Variants in DIS3L2 observed in about 807,000 individuals in gnomAD.
The protein encoded by DIS3L2 is DIS3 like 3'-5' exoribonuclease 2.
A neutral mutation model predicts 97.5 loss-of-function variants in DIS3L2; 34 were observed. The ratio of observed to expected loss-of-function variants is 0.35; its 90% confidence interval spans 0.27 to 0.46. The LOEUF is 0.46. Among genes scored for constraint, DIS3L2 ranks in the 20% least tolerant of loss-of-function variants. DIS3L2 has a pLI of 1.00. For synonymous variants in DIS3L2, 435 were observed against 445.2 expected, an observed-to-expected ratio of 0.98 and a Z score of 0.29; for missense variants, 1,038 against 1,146.0, an observed-to-expected ratio of 0.91 and a Z score of 1.36.
intron 1 of DIS3L2, among the ~76,000 whole-genome samples, chr2:232,011,052 A>C (rs961619061): frequency 6.6e-6 from 1 of 152,140 alleles, no homozygotes; most frequent in Non-Finnish European, 1.5e-5. Context: ...CCTTTTCCCC[A>C]TTCCTCATCC....
chr2:232,203,821 C>G (rs1464856646), intron 9 of DIS3L2, among the ~76,000 whole-genome samples: 1 of 152,188 alleles, frequency 6.6e-6, no homozygotes, highest in African/African-American at 2.4e-5. Context: ...GCTGGCATTG[C>G]AGGCAGGCCT....
chr2:232,005,905 T>C (rs924441830), intron 1 of DIS3L2, among the ~76,000 whole-genome samples: 4 of 152,192 alleles, frequency 2.6e-5, no homozygotes, highest in Non-Finnish European at 5.9e-5. Flanking sequence ...AGGCACTTTA[T>C]GGCTGGGCGC....
rs770189518 is a variant in DIS3L2 at position 232,334,708 on chromosome 2, C to T, written c.2367C>T (p.Tyr789=). 1.9e-4 allele frequency: 307 copies of T among 1,608,464 alleles called. No individual in the cohort carries two copies. The highest frequency in any genetic ancestry group is 2.4e-4 in the Admixed American group (14 of 59,526). Residue 789 remains tyrosine, a synonymous_variant, in exon 19 of 21, where the codon TAC becomes TAT. Transcript: ENST00000325385. Reference sequence around the variant, plus strand: ...CCTTCGACGTGCTGGTGCTGCGCTACGGCGTGCAGAAGCGCATCTACTGCA... The same window carrying T: ...CCTTCGACGTGCTGGTGCTGCGCTATGGCGTGCAGAAGCGCATCTACTGCA... The part of the protein sequence containing the change: ...KQAFDVLVLR[Y]GVQKRIYCNA...
intron 12 of DIS3L2, among the ~76,000 whole-genome samples, chr2:232,258,276 A>G (rs990779822): frequency 2.6e-5 from 4 of 152,188 alleles, no homozygotes; most frequent in Admixed American, 1.3e-4. Flanking sequence ...GAGTGACCCA[A>G]ATCCTGTGAT....
intron 8 of DIS3L2, among the ~76,000 whole-genome samples, chr2:232,144,034 T>G (rs1389338816): frequency 6.6e-6 from 1 of 152,156 alleles, no homozygotes; most frequent in Non-Finnish European, 1.5e-5. Flanking sequence ...TACTCACATA[T>G]TTCACTCATT....
At chr2:232,041,311 T>C (rs1257779976) in intron 5 of DIS3L2, among the ~76,000 whole-genome samples, 1 of 152,134 alleles carries the variant, frequency 6.6e-6, no homozygotes, top group Non-Finnish European at 1.5e-5. Context: ...GATCCCAAAT[T>C]CATAGTATTT....
chr2:232,292,616 AGGAGGC>A lies in DIS3L2; in HGVS notation c.1660-7423_1660-7418del. Among the ~76,000 whole-genome samples, 1 of 152,312 alleles carries A rather than the reference AGGAGGC, an allele frequency of 6.6e-6. No homozygotes were observed. Among genetic ancestry groups the A allele is most frequent in the Middle Eastern group, 3.4e-3 (1 of 294 alleles). On this transcript the variant is annotated intron_variant, in intron 13 of 20. Transcript: ENST00000325385. The surrounding 1 kb of genome is among the most constrained non-coding windows in gnomAD (Gnocchi z 4.4). ...TTTCCTGGGGGCCCCACCCTAGAGC[AGGAGGC>A]CTAGGTCCAAAGGGGACCCAGTGGT...
chr2:232,343,687 A>G (rs1315175131), exon 14 of DIS3L2: 5 of 1,164,230 alleles, frequency 4.3e-6, no homozygotes, highest in Non-Finnish European at 6.0e-6. Flanking sequence ...AAGGAGCTGG[A>G]TGTGGGTGCT....
At chr2:231,965,664 G>C (rs1692687701) in intron 1 of DIS3L2, among the ~76,000 whole-genome samples, 1 of 152,140 alleles carries the variant, frequency 6.6e-6, no homozygotes, top group Non-Finnish European at 1.5e-5. Context: ...CCTTGGAGAT[G>C]GGGGAGAGTG....
intron 5 of DIS3L2, among the ~76,000 whole-genome samples, chr2:232,056,618 T>G (rs1437894238): frequency 6.6e-6 from 1 of 152,098 alleles, no homozygotes; most frequent in Admixed American, 6.6e-5. Flanking sequence ...AATGGGAGAA[T>G]GACTGATACA....
chr2:232,343,833 AT>A, exon 14 of DIS3L2: 1 of 410,506 alleles, frequency 2.4e-6, no homozygotes. Flanking sequence ...TTTCCCTCAG[AT>A]TTTCCATCTC....
intron 9 of DIS3L2, among the ~76,000 whole-genome samples, chr2:232,169,557 T>C (rs1690924111): frequency 6.6e-6 from 1 of 152,104 alleles, no homozygotes; most frequent in Non-Finnish European, 1.5e-5. Flanking sequence ...TAGAGGGAAA[T>C]AGAGTGACTA....
intron 5 of DIS3L2, among the ~76,000 whole-genome samples, chr2:232,086,091 C>T (rs545915552): frequency 6.6e-6 from 1 of 152,154 alleles, no homozygotes; most frequent in East Asian, 1.9e-4. Flanking sequence ...GTCACTGTGC[C>T]TGGCCTGGAT....
intron 16 of DIS3L2, 73 bp from the exon 17 acceptor site, chr2:232,333,767 G>GATCTC: frequency 2.9e-4 from 418 of 1,439,624 alleles, no homozygotes; most frequent in Admixed American, 1.5e-3. Flanking sequence ...GTGAGGCTGT[G>GATCTC]GGTGGTGCCA....
chr2:232,263,199 C>T lies in DIS3L2; in HGVS notation c.1426-8C>T, dbSNP rs771377892. ...CACAATTCCCTTGTAATCTGTCCAT[C>T]TTTGCAGATCCTTGATGAATGGTTT... On this transcript the variant is annotated splice_polypyrimidine_tract_variant and splice_region_variant and intron_variant, in intron 12 of 20. Transcript: ENST00000325385. The T allele has an allele frequency of 6.3e-5, 102 of 1,613,684 alleles. 2 individuals carry two copies. Among genetic ancestry groups the T allele is most frequent in the Middle Eastern group, 3.3e-4 (2 of 6,082 alleles).
intron 6 of DIS3L2, among the ~76,000 whole-genome samples, chr2:232,088,390 CAA>C (rs778505065): frequency 6.0e-3 from 332 of 55,690 alleles, no homozygotes; most frequent in Non-Finnish European, 9.2e-3. Flanking sequence ...ACTAAAAATA[CAA>C]AAAAAAAAAA....
intron 10 of DIS3L2, among the ~76,000 whole-genome samples, chr2:232,212,479 C>T (rs1298398752): frequency 2.6e-5 from 4 of 152,166 alleles, no homozygotes; most frequent in Non-Finnish European, 2.9e-5. Context: ...CATGTCCTGC[C>T]GTACTCACTG....
chr2:231,982,302 A>G (rs140813876), intron 1 of DIS3L2, among the ~76,000 whole-genome samples: 3 of 152,284 alleles, frequency 2.0e-5, no homozygotes, highest in East Asian at 1.9e-4. Flanking sequence ...TGCAATCTAG[A>G]ATACACTTAC....
chr2:232,290,811 G>A (rs777849045), intron 13 of DIS3L2, among the ~76,000 whole-genome samples: 2 of 152,186 alleles, frequency 1.3e-5, no homozygotes, highest in Non-Finnish European at 2.9e-5. Flanking sequence ...GGCCAGCCTC[G>A]CTATAGACTT....
Sources: gnomAD v4.1 joint callset for allele counts (sites outside exome capture counted in the v4.1 genomes callset) on GRCh38, gnomAD v4.1.1 for gene constraint, Gnocchi (gnomAD v3.1) non-coding constraint, MANE v1.5 for transcripts, NCBI Gene and HGNC (gene_info 2026-07-23, HGNC 2026-07-21) for gene names.